ATP11A: variants seen among roughly 807,000 people sequenced by gnomAD.
ATP11A encodes the protein ATPase phospholipid transporting 11A, also known as phospholipid-transporting ATPase IH.
Under a neutral mutation model 154.4 loss-of-function variants are expected in ATP11A, and 81 were observed. The ratio of observed to expected loss-of-function variants is 0.52; its 90% CI spans 0.44 to 0.63. ATP11A has a LOEUF of 0.63. Among genes scored for constraint, ATP11A ranks in the 30% least tolerant of loss-of-function variants. The probability of loss-of-function intolerance (pLI) is 0.00; values close to 1 mark genes in which losing one functional copy is unlikely to be tolerated. For missense variants in ATP11A, 1,316 were observed against 1,474.3 expected, an observed-to-expected ratio of 0.89 and a Z score of 1.76; for synonymous variants, 623 against 585.9, an observed-to-expected ratio of 1.06 and a Z score of -0.91.
At chr13:112,808,107 C>T (rs1437637112) in intron 4 of ATP11A, among the ~76,000 whole-genome samples, 1 of 151,942 alleles carries the variant, frequency 6.6e-6, no homozygotes, top group African/African-American at 2.4e-5. Flanking sequence ...GGAGCCCGAG[C>T]CCCCATGGAT....
rs181239153 is a variant in ATP11A, at chr13:112,762,307, C to T, written c.40-22828C>T. On this transcript the variant is annotated intron_variant, in intron 1 of 29. Coordinates refer to ENST00000375645, the MANE Select transcript of ATP11A (RefSeq NM_015205.3). ...GCATTTCTGCATCATTCCTGATGCC[C>T]GATGCTGAGATTAGGAAATCGGTCT... Among the ~76,000 whole-genome samples, 444 of 152,078 alleles carry T rather than the reference C, an allele frequency of 2.9e-3. 2 individuals carry two copies. Among genetic ancestry groups the T allele is most frequent in the African/African-American group, 9.9e-3 (409 of 41,450 alleles).
At chr13:112,717,010 A>G (rs1378742041) in intron 1 of ATP11A, among the ~76,000 whole-genome samples, 3 of 152,158 alleles carry the variant, frequency 2.0e-5, no homozygotes, top group African/African-American at 7.2e-5. Context: ...TGCAGGGCCC[A>G]TAGAGGCTGT....
At chr13:112,738,045 G>C (rs552310348) in intron 1 of ATP11A, among the ~76,000 whole-genome samples, 72 of 152,252 alleles carry the variant, frequency 4.7e-4, no homozygotes, top group African/African-American at 1.6e-3. Flanking sequence ...GTTCAGCGCC[G>C]GCTTCCCAAA....
chr13:112,815,998 C>T, intron 5 of ATP11A, 85 bp from the exon 6 acceptor site: 3 of 1,568,040 alleles, frequency 1.9e-6, no homozygotes, highest in East Asian at 2.2e-5. Context: ...AATAGATGAG[C>T]AGCTTGAGGG....
intron 29 of ATP11A, chr13:112,881,407 C>T: frequency 9.6e-7 from 1 of 1,041,022 alleles, no homozygotes. Flanking sequence ...TTCCCTGGGG[C>T]AGTGAGTTCG....
chr13:112,720,890 G>A (rs186488990), intron 1 of ATP11A, among the ~76,000 whole-genome samples: 10 of 152,152 alleles, frequency 6.6e-5, no homozygotes, highest in Admixed American at 1.3e-4. Flanking sequence ...GGGGCCAGGC[G>A]TGTTCAACCT....
intron 1 of ATP11A, among the ~76,000 whole-genome samples, chr13:112,743,357 T>C (rs1433874340): frequency 6.6e-6 from 1 of 151,988 alleles, no homozygotes; most frequent in East Asian, 1.9e-4. Context: ...TGTGCAGATG[T>C]TGTAGGTTCC....
At chr13:112,695,970 A>T (rs905270789) in intron 1 of ATP11A, among the ~76,000 whole-genome samples, 7 of 152,242 alleles carry the variant, frequency 4.6e-5, no homozygotes, top group Non-Finnish European at 8.8e-5. Context: ...CTTGGATATT[A>T]TTATCTGAGA....
chr13:112,877,639 C>G (rs1048022617), intron 28 of ATP11A, among the ~76,000 whole-genome samples: 13 of 152,188 alleles, frequency 8.5e-5, no homozygotes, highest in African/African-American at 3.1e-4. Context: ...CCCCACCTGG[C>G]CCCTGGGTGC....
chr13:112,855,904 C>G lies in ATP11A; in HGVS notation c.2244-7C>G, dbSNP rs1566577465. 6.9e-6 allele frequency: 11 copies of G among 1,604,326 alleles called. No individual in the cohort carries two copies. The highest frequency in any genetic ancestry group is 6.8e-6 in the Non-Finnish European group (8 of 1,173,358). ...GAGCAATCTTTCTGACTCACGTACT[C>G]TAACAGACTTTCAGCAGATATGCAG... On this transcript the variant is annotated splice_region_variant and splice_polypyrimidine_tract_variant and intron_variant, in intron 19 of 29. Coordinates refer to ENST00000375645, the MANE Select transcript of ATP11A (RefSeq NM_015205.3).
rs1210430523 is a variant in ATP11A at position 112,883,116 on chromosome 13, T to A, written c.*1250T>A. ...CCTGTCACCTCGTCCCCACGTCCCC[T>A]CGTCTCCTCATCCCCACGTCCTCTC... On this transcript the variant is annotated 3_prime_UTR_variant, in exon 30 of 30. Coordinates refer to ENST00000375645, the MANE Select transcript of ATP11A (RefSeq NM_015205.3). The A allele has an allele frequency of 1.9e-4, 44 of 235,198 alleles. No individual in the cohort carries two copies. The African/African-American group carries it at 2.6e-3, about 14-fold the overall frequency. The allele number at this position is 235,198 out of a possible 1,614,324, so 14.6% of individuals were successfully genotyped here.
At position 112,720,203 on chromosome 13, in the gene ATP11A, T is replaced by C. The variant is rs188031145; in HGVS notation, c.39+29748T>C. 1.6e-4 allele frequency among the ~76,000 whole-genome samples: 25 copies of C among 152,318 alleles called. 1 individual carries two copies. The highest frequency in any genetic ancestry group is 3.4e-3 in the Middle Eastern group (1 of 294). ...GATCACAGTTTGGGTTTGTATATTT[T>C]AGGGAGACAGGACTCACAGGCAAAG... On this transcript the variant is annotated intron_variant, in intron 1 of 29. Transcript: ENST00000375645.
At chr13:112,880,773 CT>C in intron 29 of ATP11A, 1 of 1,156,830 alleles carries the variant, frequency 8.6e-7, no homozygotes, top group Non-Finnish European at 1.1e-6. Flanking sequence ...GAGCAGCCCT[CT>C]TTACACACAC....
At chr13:112,873,494 CG>C in intron 26 of ATP11A, 78 bp from the exon 27 acceptor site, 1 of 1,105,406 alleles carries the variant, frequency 9.0e-7, no homozygotes, top group East Asian at 2.5e-5. Flanking sequence ...CGTCACCCCC[CG>C]GCTCTCTGTC....
chr13:112,788,679 T>G (rs2077734616), intron 2 of ATP11A, among the ~76,000 whole-genome samples: 1 of 152,014 alleles, frequency 6.6e-6, no homozygotes, highest in Admixed American at 6.5e-5. Flanking sequence ...CCGGGTGTCC[T>G]GATGTGTAGA....
chr13:112,871,181 C>A (rs4907464), intron 25 of ATP11A, among the ~76,000 whole-genome samples: 15 of 151,970 alleles, frequency 9.9e-5, no homozygotes, highest in Admixed American at 6.6e-4. Context: ...AGAACGTTCC[C>A]GCCGCTGTTC....
Position 112,878,240 on chromosome 13 carries a change from C to T in ATP11A, c.3351C>T (p.Val1117=), listed in dbSNP as rs139886263. 64 of 1,614,228 alleles carry T rather than the reference C, an allele frequency of 4.0e-5. No homozygotes were observed. In the East Asian group the frequency reaches 4.7e-4, roughly 12 times the overall value. ...RVQTKSQCLS[V]EQSTIFMLSQ... is the part of the protein sequence containing the mutation. The stretch of plus-strand genomic sequence containing the variant: ...AGACTAAGAGCCAGTGCCTTTCTGT[C>T]GAGCAGTCAACCATCTTTATGCTTT... The change falls in exon 29 of 30, where the codon GTC becomes GTT. Residue 1117 remains valine, a synonymous_variant. Coordinates refer to ENST00000375645, the MANE Select transcript of ATP11A (RefSeq NM_015205.3).
intron 4 of ATP11A, 33 bp downstream of exon 4, chr13:112,806,326 G>A (rs1426182547): frequency 4.6e-6 from 7 of 1,517,752 alleles, no homozygotes; most frequent in East Asian, 2.3e-5. Flanking sequence ...AGAAGCAATC[G>A]TCATCTTCAC....
At chr13:112,780,511 C>T (rs752129752) in intron 1 of ATP11A, among the ~76,000 whole-genome samples, 5 of 152,186 alleles carry the variant, frequency 3.3e-5, no homozygotes, top group Non-Finnish European at 7.3e-5. Context: ...CCTTCCTTTC[C>T]GTGTATCCCT....
Sources: gnomAD v4.1 joint callset for allele counts (sites outside exome capture counted in the v4.1 genomes callset) on GRCh38, gnomAD v4.1.1 for gene constraint, MANE v1.5 for transcripts, NCBI Gene and HGNC (gene_info 2026-07-23, HGNC 2026-07-21) for gene names.